Variants in CPNE4 observed in about 807,000 individuals in gnomAD.
CPNE4 encodes copine-4.
Under a neutral mutation model 67.9 loss-of-function variants are expected in CPNE4, and 25 were observed. The observed-to-expected ratio is 0.37, with a 90% CI of 0.27 to 0.51. The LOEUF is 0.51. Among genes scored for constraint, CPNE4 ranks in the 20% least tolerant of loss-of-function variants. The pLI is 0.93. For missense variants in CPNE4, 464 were observed against 690.8 expected, an observed-to-expected ratio of 0.67 and a Z score of 3.68; for synonymous variants, 242 against 244.9, an observed-to-expected ratio of 0.99 and a Z score of 0.11.
At chr3:132,013,232 A>G (rs2107679732) in intron 1 of CPNE4, among the ~76,000 whole-genome samples, 1 of 152,358 alleles carries the variant, frequency 6.6e-6, no homozygotes, top group Non-Finnish European at 1.5e-5. Context: ...CAAAAATAAA[A>G]GAAAATAAAA....
chr3:132,006,644 C>A (rs1014124054), intron 1 of CPNE4, among the ~76,000 whole-genome samples: 5 of 114,158 alleles, frequency 4.4e-5, no homozygotes, highest in African/African-American at 2.0e-4. Flanking sequence ...CTGACATAAA[C>A]CTTTCTTTCC....
chr3:132,014,611 C>A (rs897644006), intron 1 of CPNE4, among the ~76,000 whole-genome samples: 6 of 152,090 alleles, frequency 3.9e-5, no homozygotes, highest in African/African-American at 1.4e-4. Context: ...TAATCTCTCT[C>A]TTTGTTCTTT....
intron 2 of CPNE4, among the ~76,000 whole-genome samples, chr3:131,729,828 C>T (rs903732584): frequency 6.6e-6 from 1 of 152,144 alleles, no homozygotes; most frequent in Non-Finnish European, 1.5e-5. Context: ...TAAAAAAATG[C>T]CTGAGTATTT....
At chr3:131,802,052 A>C (rs986105586) in intron 2 of CPNE4, among the ~76,000 whole-genome samples, 11 of 152,048 alleles carry the variant, frequency 7.2e-5, no homozygotes, top group Non-Finnish European at 1.3e-4. Context: ...CTATGCATCT[A>C]AAGTAAGAGA....
At chr3:131,646,538 AAG>A (rs1284568465) in intron 7 of CPNE4, among the ~76,000 whole-genome samples, 4 of 152,188 alleles carry the variant, frequency 2.6e-5, no homozygotes, top group African/African-American at 4.8e-5. Context: ...TAAATTCAGA[AAG>A]AGAGAGTCCT....
chr3:131,910,270 C>T (rs2088927809), intron 1 of CPNE4, among the ~76,000 whole-genome samples: 1 of 152,160 alleles, frequency 6.6e-6, no homozygotes, highest in Non-Finnish European at 1.5e-5. Flanking sequence ...TTCTTCCGAA[C>T]TCCTACCCTG....
At chr3:132,033,839 C>T (rs566901926) in intron 1 of CPNE4, among the ~76,000 whole-genome samples, 2 of 152,172 alleles carry the variant, frequency 1.3e-5, no homozygotes, top group African/African-American at 4.8e-5. Context: ...TAACAGTTCT[C>T]GTGTGTCTGT....
chr3:131,715,619 G>C lies in CPNE4; in HGVS notation c.360+7827C>G, dbSNP rs139675549. ...TGTTGTGCTGATTAAATGAAGTGCA[G>C]TATAGCAACAGCTTCACCCAGTGCC... On this transcript the variant is annotated intron_variant, in intron 3 of 15. Transcript: ENST00000429747. Among the ~76,000 whole-genome samples the C allele has an allele frequency of 3.2e-3, 492 of 152,310 alleles. 2 individuals are homozygous for C. The highest frequency in any genetic ancestry group is 0.014 in the Middle Eastern group (4 of 294).
intron 2 of CPNE4, among the ~76,000 whole-genome samples, chr3:131,837,938 A>C (rs2085621711): frequency 6.6e-6 from 1 of 152,000 alleles, no homozygotes; most frequent in African/African-American, 2.4e-5. Flanking sequence ...TTTCAAGTGT[A>C]TAATTGAACA....
chr3:131,905,655 G>A (rs998948819), intron 1 of CPNE4, among the ~76,000 whole-genome samples: 1 of 152,102 alleles, frequency 6.6e-6, no homozygotes, highest in African/African-American at 2.4e-5. Context: ...TGCTGCACTT[G>A]GTTAAGAACA....
chr3:131,680,253 CTTT>C (rs34739453), intron 6 of CPNE4, among the ~76,000 whole-genome samples: 23 of 144,054 alleles, frequency 1.6e-4, no homozygotes, highest in Non-Finnish European at 2.3e-4. Flanking sequence ...GCAACCCCTG[CTTT>C]TTTTTTTTTT....
intron 7 of CPNE4, among the ~76,000 whole-genome samples, chr3:131,593,282 A>G (rs1380679677): frequency 1.3e-5 from 2 of 152,226 alleles, no homozygotes; most frequent in South Asian, 2.1e-4. Context: ...TAAGTCTTTC[A>G]ATTCATGAAC....
intron 2 of CPNE4, among the ~76,000 whole-genome samples, chr3:131,837,040 A>G (rs1316474680): frequency 6.6e-5 from 10 of 152,190 alleles, no homozygotes; most frequent in Admixed American, 5.9e-4. Context: ...CTACACATCT[A>G]TTAGCATTGC....
intron 1 of CPNE4, among the ~76,000 whole-genome samples, chr3:131,967,817 A>G (rs1341781943): frequency 1.3e-5 from 2 of 152,214 alleles, no homozygotes; most frequent in African/African-American, 4.8e-5. Context: ...GTTTCCATCA[A>G]GCTACCTTGA....
At chr3:131,578,171 C>A (rs1937598673) in intron 9 of CPNE4, among the ~76,000 whole-genome samples, 1 of 152,156 alleles carries the variant, frequency 6.6e-6, no homozygotes, top group African/African-American at 2.4e-5. Flanking sequence ...ATTTTCCCAA[C>A]AGTATGTGCT....
At chr3:131,545,179 G>A (rs1463097528) in intron 14 of CPNE4, among the ~76,000 whole-genome samples, 1 of 151,946 alleles carries the variant, frequency 6.6e-6, no homozygotes, top group Non-Finnish European at 1.5e-5. Flanking sequence ...TTTTATTTAT[G>A]GACACTGATT....
chr3:131,856,862 A>G (rs762627120), intron 2 of CPNE4, among the ~76,000 whole-genome samples: 7 of 152,014 alleles, frequency 4.6e-5, no homozygotes, highest in Non-Finnish European at 7.4e-5. Context: ...AACTTACCCA[A>G]TGTCACAGAG....
At chr3:132,004,030 C>T (rs1357350741) in intron 1 of CPNE4, among the ~76,000 whole-genome samples, 1 of 152,008 alleles carries the variant, frequency 6.6e-6, no homozygotes, top group Non-Finnish European at 1.5e-5. Flanking sequence ...ATGGTCTCCT[C>T]CTCTCTGAAT....
chr3:131,780,577 C>T (rs2083406872), intron 2 of CPNE4, among the ~76,000 whole-genome samples: 1 of 152,026 alleles, frequency 6.6e-6, no homozygotes, highest in Admixed American at 6.6e-5. Flanking sequence ...AATGCAGGAA[C>T]AGAAAACCAA....
Sources: gnomAD v4.1 joint callset for allele counts (sites outside exome capture counted in the v4.1 genomes callset) on GRCh38, gnomAD v4.1.1 for gene constraint, MANE v1.5 for transcripts, NCBI Gene and HGNC (gene_info 2026-07-23, HGNC 2026-07-21) for gene names.